Variants in ADAMTSL1 observed in about 807,000 individuals in gnomAD.
The protein encoded by ADAMTSL1 is ADAMTS like 1.
Under a neutral mutation model 201.8 loss-of-function variants are expected in ADAMTSL1, and 126 were observed. The observed-to-expected ratio is 0.62, with a 90% CI of 0.54 to 0.72. The LOEUF (loss-of-function observed/expected upper bound fraction) is 0.72. Among genes scored for constraint, ADAMTSL1 ranks in the 30% least tolerant of loss-of-function variants. The pLI, the probability that ADAMTSL1 is intolerant of heterozygous loss-of-function variation, is 0.00. For synonymous variants in ADAMTSL1, 1,121 were observed against 903.4 expected (o/e 1.24, Z -4.32); for missense variants, 2,679 against 2,277.8 (o/e 1.18, Z -3.59).
intron 2 of ADAMTSL1, among the ~76,000 whole-genome samples, chr9:18,340,428 C>T (rs544651735): frequency 2.0e-5 from 3 of 152,254 alleles, no homozygotes; most frequent in South Asian, 4.1e-4. Context: ...CCCAGTTCTG[C>T]ATATACTGCA....
intron 2 of ADAMTSL1, among the ~76,000 whole-genome samples, chr9:18,314,857 C>A (rs1488805060): frequency 8.3e-6 from 1 of 119,898 alleles, no homozygotes; most frequent in South Asian, 3.2e-4. Context: ...AGTGCAGTGG[C>A]GCGATCTCGG....
intron 2 of ADAMTSL1, among the ~76,000 whole-genome samples, chr9:18,517,742 T>C (rs1395888642): frequency 1.3e-5 from 2 of 152,226 alleles, no homozygotes; most frequent in Non-Finnish European, 1.5e-5. Context: ...TATCATTTTT[T>C]ATGGCTGCAT....
At chr9:18,231,561 T>C (rs1019081678) in intron 2 of ADAMTSL1, among the ~76,000 whole-genome samples, 2 of 152,180 alleles carry the variant, frequency 1.3e-5, no homozygotes, top group African/African-American at 4.8e-5. Flanking sequence ...GAATTGTTTC[T>C]TTACTCTCCA....
chr9:18,529,709 G>C (rs897347780), intron 2 of ADAMTSL1, among the ~76,000 whole-genome samples: 1 of 152,080 alleles, frequency 6.6e-6, no homozygotes, highest in Admixed American at 6.6e-5. Context: ...ATTTGATAAT[G>C]TCTTTCAATA....
chr9:18,322,165 T>C (rs1224525205), intron 2 of ADAMTSL1, among the ~76,000 whole-genome samples: 2 of 151,680 alleles, frequency 1.3e-5, no homozygotes, highest in African/African-American at 4.8e-5. Flanking sequence ...ATAAGAAAGG[T>C]TTAAAATCTA....
At chr9:18,067,243 G>C (rs1822746233) in intron 1 of ADAMTSL1, among the ~76,000 whole-genome samples, 1 of 151,974 alleles carries the variant, frequency 6.6e-6, no homozygotes, top group Non-Finnish European at 1.5e-5. Flanking sequence ...TAATCTTTTT[G>C]TGCTAACTTT....
chr9:18,090,338 G>A (rs1308675247), intron 1 of ADAMTSL1, among the ~76,000 whole-genome samples: 1 of 152,120 alleles, frequency 6.6e-6, no homozygotes, highest in Non-Finnish European at 1.5e-5. Flanking sequence ...GCCAAAACAG[G>A]AAAGCAACTC....
intron 20 of ADAMTSL1, among the ~76,000 whole-genome samples, chr9:18,796,133 T>C (rs965062335): frequency 3.3e-5 from 5 of 152,362 alleles, no homozygotes; most frequent in Middle Eastern, 6.8e-3. Context: ...CCCATAGTTG[T>C]GGTCTTGTAG....
At chr9:18,315,021 CT>C (rs377702322) in intron 2 of ADAMTSL1, among the ~76,000 whole-genome samples, 12,744 of 151,494 alleles carry the variant, frequency 0.084, 720 homozygotes, top group Non-Finnish European at 0.12. Flanking sequence ...TGGTCTCGAT[CT>C]CCTGACCTCG....
At chr9:18,803,721 T>G (rs1202641457) in intron 20 of ADAMTSL1, among the ~76,000 whole-genome samples, 1 of 152,228 alleles carries the variant, frequency 6.6e-6, no homozygotes, top group African/African-American at 2.4e-5. Context: ...AATTCAAATT[T>G]TTAAAAATCC....
chr9:18,534,548 C>T (rs540754827), intron 3 of ADAMTSL1, among the ~76,000 whole-genome samples: 75 of 152,290 alleles, frequency 4.9e-4, no homozygotes, highest in African/African-American at 1.6e-3. Context: ...TTGTACTTGC[C>T]GATCCCTCTG....
chr9:18,644,803 T>A (rs1033323329), intron 7 of ADAMTSL1, among the ~76,000 whole-genome samples: 3 of 152,122 alleles, frequency 2.0e-5, no homozygotes, highest in Non-Finnish European at 4.4e-5. Flanking sequence ...GACATTTGGG[T>A]TAGTTCCAAG....
intron 2 of ADAMTSL1, among the ~76,000 whole-genome samples, chr9:18,399,294 T>TATATATATATATAC: frequency 1.0e-5 from 1 of 96,690 alleles, no homozygotes. Flanking sequence ...TATATATATA[T>TATATATATATATAC]ATATATATAT....
chr9:18,789,021 T>G (rs149005215), intron 19 of ADAMTSL1, among the ~76,000 whole-genome samples: 246 of 152,326 alleles, frequency 1.6e-3, no homozygotes, highest in Middle Eastern at 3.4e-3. Context: ...CCTCACTTCT[T>G]GCTCCTCTTT....
At chr9:18,655,404 G>C (rs1828562536) in intron 7 of ADAMTSL1, among the ~76,000 whole-genome samples, 1 of 151,992 alleles carries the variant, frequency 6.6e-6, no homozygotes. Context: ...AGAAGAGCTT[G>C]GTTCAAATAC....
intron 1 of ADAMTSL1, among the ~76,000 whole-genome samples, chr9:18,095,960 A>G (rs62549861): frequency 2.0e-5 from 3 of 152,240 alleles, no homozygotes; most frequent in Admixed American, 6.5e-5. Flanking sequence ...ATTCTTATTC[A>G]GGACTATGGA....
chr9:18,825,023 G>C (rs948612596), intron 21 of ADAMTSL1, among the ~76,000 whole-genome samples: 1 of 152,090 alleles, frequency 6.6e-6, no homozygotes, highest in African/African-American at 2.4e-5. Flanking sequence ...GCATGCCCTG[G>C]ATACATGCCA....
chr9:18,644,141 T>C (rs1203825978), intron 7 of ADAMTSL1, among the ~76,000 whole-genome samples: 3 of 151,934 alleles, frequency 2.0e-5, no homozygotes, highest in Non-Finnish European at 2.9e-5. Context: ...GTATTATACC[T>C]GGGATTGTTT....
intron 26 of ADAMTSL1, among the ~76,000 whole-genome samples, chr9:18,900,059 C>G (rs1472526718): frequency 1.3e-5 from 2 of 152,116 alleles, no homozygotes; most frequent in East Asian, 3.9e-4. Context: ...AGGTCTAAAT[C>G]CAGTCAAGAG....
Sources: allele counts gnomAD v4.1 joint callset (sites outside exome capture counted in the v4.1 genomes callset), GRCh38; gene constraint gnomAD v4.1.1; transcripts MANE v1.5; gene names NCBI Gene and HGNC (gene_info 2026-07-23, HGNC 2026-07-21).